ROBO2: variants seen among roughly 807,000 people sequenced by gnomAD.
The protein encoded by ROBO2 is roundabout homolog 2.
A neutral mutation model predicts 160.8 loss-of-function variants in ROBO2; 53 were observed. That is an observed-to-expected ratio of 0.33 (90% CI 0.26 to 0.41). ROBO2 has a LOEUF of 0.41. Ranked by LOEUF, ROBO2 falls within the 10% of genes least tolerant of loss-of-function variation. The probability of loss-of-function intolerance (pLI) is 1.00; values close to 1 mark genes in which losing one functional copy is unlikely to be tolerated. For missense variants in ROBO2, 1,577 were observed against 1,722.4 expected (o/e 0.92, Z 1.49); for synonymous variants, 664 against 611.7 (o/e 1.09, Z -1.26).
chr3:76,214,402 C>T (rs1703356176), intron 2 of ROBO2, among the ~76,000 whole-genome samples: 2 of 152,170 alleles, frequency 1.3e-5, no homozygotes, highest in African/African-American at 4.8e-5. Flanking sequence ...TCAGGGAATT[C>T]CCTTTCCTAG....
At chr3:76,770,114 A>T (rs997345770) in intron 2 of ROBO2, among the ~76,000 whole-genome samples, 3 of 151,430 alleles carry the variant, frequency 2.0e-5, no homozygotes, top group Non-Finnish European at 3.0e-5. Context: ...GTAATGTTTT[A>T]ATTCACTGGT....
At chr3:76,664,720 A>G (rs1355619252) in intron 2 of ROBO2, among the ~76,000 whole-genome samples, 1 of 152,210 alleles carries the variant, frequency 6.6e-6, no homozygotes, top group African/African-American at 2.4e-5. Flanking sequence ...TACCATTCTC[A>G]ACTTCCCATG....
rs193254533 is a variant in ROBO2 at position 77,479,897 on chromosome 3, C to T, written c.547-1202C>T. Among the ~76,000 whole-genome samples, 389 of 152,150 alleles carry T rather than the reference C, an allele frequency of 2.6e-3. 1 individual carries two copies. Among genetic ancestry groups the T allele is most frequent in the African/African-American group, 9.1e-3 (376 of 41,498 alleles). Reference sequence around the variant, plus strand: ...GTCGGTTCCCATGTTGGTCTCAGTTCCAACTCAGCAAGAGAAGGCAAGACA... The same window carrying T: ...GTCGGTTCCCATGTTGGTCTCAGTTTCAACTCAGCAAGAGAAGGCAAGACA... On this transcript the variant is annotated intron_variant, in intron 3 of 25. Transcript: ENST00000461745.
intron 2 of ROBO2, among the ~76,000 whole-genome samples, chr3:76,925,434 TA>T (rs1272825949): frequency 6.6e-6 from 1 of 152,126 alleles, no homozygotes; most frequent in Non-Finnish European, 1.5e-5. Flanking sequence ...AAATTGCAAA[TA>T]TTTTTTGAAG....
chr3:76,047,232 T>G (rs574717197), intron 2 of ROBO2, among the ~76,000 whole-genome samples: 4 of 152,202 alleles, frequency 2.6e-5, no homozygotes, highest in Non-Finnish European at 5.9e-5. Flanking sequence ...TATTTCTCAG[T>G]GTACAAAGGT....
At chr3:77,321,323 C>T (rs2064672913) in intron 2 of ROBO2, among the ~76,000 whole-genome samples, 1 of 151,986 alleles carries the variant, frequency 6.6e-6, no homozygotes, top group Non-Finnish European at 1.5e-5. Context: ...TCAAGATCCG[C>T]CTGGGCAACA....
intron 2 of ROBO2, among the ~76,000 whole-genome samples, chr3:77,241,971 T>C (rs2151377349): frequency 6.6e-6 from 1 of 152,316 alleles, no homozygotes; most frequent in Non-Finnish European, 1.5e-5. Context: ...AGACATTTAC[T>C]AGGCCCAAAT....
intron 2 of ROBO2, among the ~76,000 whole-genome samples, chr3:76,772,354 T>A (rs775225543): frequency 1.1e-4 from 16 of 149,178 alleles, no homozygotes; most frequent in South Asian, 2.1e-4. Context: ...GTAAGAAAAA[T>A]ATATATATAA....
chr3:76,895,773 T>C (rs1474178557), intron 2 of ROBO2, among the ~76,000 whole-genome samples: 1 of 152,226 alleles, frequency 6.6e-6, no homozygotes, highest in Non-Finnish European at 1.5e-5. Context: ...AGTTTTCATT[T>C]ACTCGAATTA....
chr3:76,724,964 A>T (rs59134157), intron 2 of ROBO2, among the ~76,000 whole-genome samples: 2,893 of 152,268 alleles, frequency 0.019, 85 homozygotes, highest in African/African-American at 0.065. Context: ...TCCAGCAGCC[A>T]TCAGAAGCTA....
intron 2 of ROBO2, among the ~76,000 whole-genome samples, chr3:77,020,029 G>C (rs571787282): frequency 6.6e-6 from 1 of 152,276 alleles, no homozygotes; most frequent in East Asian, 1.9e-4. Context: ...ATGCTTAGCA[G>C]AGCACATACA....
chr3:76,555,425 G>GAATAAGAAGAA (rs1399867100), intron 2 of ROBO2, among the ~76,000 whole-genome samples: 1 of 68,472 alleles, frequency 1.5e-5, no homozygotes. Flanking sequence ...AAGAAAGAAG[G>GAATAAGAAGAA]AGAAGGGGAA....
intron 1 of ROBO2, among the ~76,000 whole-genome samples, chr3:77,068,780 T>C (rs2067118856): frequency 6.6e-6 from 1 of 152,110 alleles, no homozygotes; most frequent in Non-Finnish European, 1.5e-5. Context: ...TTCCGCAGGC[T>C]AGTATGTTTC....
intron 2 of ROBO2, among the ~76,000 whole-genome samples, chr3:76,997,349 T>C (rs2061075660): frequency 6.6e-6 from 1 of 152,192 alleles, no homozygotes; most frequent in Admixed American, 6.5e-5. Context: ...CTATTTCTCC[T>C]ATTATTATAT....
In ROBO2 at chr3:76,711,248, A is replaced by G. The variant is rs1395231518; in HGVS notation, c.110-386766A>G. ...CCATTGTGGAAAGCAAAGCGGAAGC[A>G]AGCATTTTCTTCATACAGCAGCAAC... On this transcript the variant is annotated intron_variant, in intron 2 of 26. Coordinates refer to the ROBO2 transcript ENST00000487694. Among the ~76,000 whole-genome samples, 8 of 152,318 alleles carry G rather than the reference A, an allele frequency of 5.3e-5. No homozygotes were observed. In the East Asian group the frequency reaches 1.5e-3, roughly 29 times the overall value.
intron 2 of ROBO2, among the ~76,000 whole-genome samples, chr3:76,055,507 C>T (rs182264477): frequency 6.6e-6 from 1 of 152,116 alleles, no homozygotes; most frequent in African/African-American, 2.4e-5. Flanking sequence ...GCCCTCCCCC[C>T]TTTTGGAGTT....
chr3:76,033,307 C>T lies in ROBO2; in HGVS notation c.109+95705C>T, dbSNP rs970476561. 3.3e-5 allele frequency among the ~76,000 whole-genome samples: 5 copies of T among 152,166 alleles called. No homozygotes were observed. In the South Asian group the frequency reaches 8.3e-4, roughly 25 times the overall value. On this transcript the variant is annotated intron_variant, in intron 2 of 26. Transcript: ENST00000487694. ...GCTGTGACACATACACACACACACA[C>T]ACACACAGACATATCACCGACCAGG...
In ROBO2 at chr3:76,528,282, G is replaced by C. The variant is rs114258392; in HGVS notation, c.110-569732G>C. Among the ~76,000 whole-genome samples, 426 of 152,186 alleles carry C rather than the reference G, an allele frequency of 2.8e-3. 4 individuals carry two copies. The highest frequency in any genetic ancestry group is 9.6e-3 in the African/African-American group (399 of 41,534). On this transcript the variant is annotated intron_variant, in intron 2 of 26. Transcript: ENST00000487694. ...GGGAGCCCTGTGACTGAGGTTCAGC[G>C]TGAGATGTACAGACAGGCAAGAGCT...
intron 2 of ROBO2, among the ~76,000 whole-genome samples, chr3:77,303,971 A>T (rs1447369562): frequency 6.6e-6 from 1 of 152,158 alleles, no homozygotes; most frequent in African/African-American, 2.4e-5. Flanking sequence ...TGTGACAGAA[A>T]ATAGACTCAT....
Sources: gnomAD v4.1 joint callset for allele counts (sites outside exome capture counted in the v4.1 genomes callset) on GRCh38, gnomAD v4.1.1 for gene constraint, MANE v1.5 for transcripts, NCBI Gene and HGNC (gene_info 2026-07-23, HGNC 2026-07-21) for gene names.